Variants in TOM1L2 observed in about 807,000 individuals in gnomAD.
The protein encoded by TOM1L2 is target of myb1 like 2 membrane trafficking protein.
A neutral mutation model predicts 67.9 loss-of-function variants in TOM1L2; 31 were observed. The observed-to-expected ratio is 0.46, with a 90% confidence interval of 0.34 to 0.62. The LOEUF is 0.62. Among genes scored for constraint, TOM1L2 ranks in the 20% least tolerant of loss-of-function variants. The pLI is 0.01. For missense variants in TOM1L2, 606 were observed against 663.5 expected (o/e 0.91, Z 0.95); for synonymous variants, 256 against 254.0 (o/e 1.01, Z -0.07).
intron 13 of TOM1L2, among the ~76,000 whole-genome samples, chr17:17,849,830 A>G (rs2035859651): frequency 6.6e-6 from 1 of 152,192 alleles, no homozygotes. Context: ...CTGTGAGAGA[A>G]GCAATTTCTT....
At position 17,858,344 on chromosome 17, in the gene TOM1L2, C is replaced by T. The variant is rs56698800; in HGVS notation, c.1278+3132G>A. On this transcript the variant is annotated intron_variant, in intron 12 of 14. Coordinates refer to ENST00000379504, the MANE Select transcript of TOM1L2 (RefSeq NM_001082968.2). ...TTTGAGATGAGGTCTCACTGTGTTGCCCGGACTGGTCTCAAAAACTCCTGG... is the reference window on the plus strand; with the variant it reads ...TTTGAGATGAGGTCTCACTGTGTTGTCCGGACTGGTCTCAAAAACTCCTGG... The T allele has an allele frequency of 8.7e-3, 1,331 of 153,436 alleles. 21 individuals are homozygous for T. The highest frequency in any genetic ancestry group is 0.031 in the African/African-American group (1,283 of 41,412). The allele number at this position is 153,436 out of a possible 1,614,324, so 9.5% of individuals were successfully genotyped here. A position where few individuals can be genotyped will look rare whatever the true frequency, so the allele number is the denominator to read the frequency against.
At chr17:17,971,948 C>T (rs1428670139) in intron 1 of TOM1L2, among the ~76,000 whole-genome samples, 1 of 151,810 alleles carries the variant, frequency 6.6e-6, no homozygotes, top group Non-Finnish European at 1.5e-5. Flanking sequence ...GGCGAAGGCC[C>T]AGCCCCCCCG....
intron 1 of TOM1L2, among the ~76,000 whole-genome samples, chr17:17,916,274 T>C (rs1418849738): frequency 2.0e-5 from 3 of 151,956 alleles, no homozygotes; most frequent in Non-Finnish European, 4.4e-5. Flanking sequence ...GGGGTTTCAC[T>C]GTGTTAGCCA....
intron 1 of TOM1L2, among the ~76,000 whole-genome samples, chr17:17,958,917 C>T (rs2041578313): frequency 6.6e-6 from 1 of 152,200 alleles, no homozygotes; most frequent in Admixed American, 6.5e-5. Flanking sequence ...TTTAATCACT[C>T]ATGCCCACAT....
intron 1 of TOM1L2, among the ~76,000 whole-genome samples, chr17:17,949,058 A>G (rs1010875796): frequency 1.3e-5 from 2 of 152,226 alleles, no homozygotes; most frequent in African/African-American, 4.8e-5. Context: ...AGCTGGAGCC[A>G]TGAGGTGAAA....
intron 1 of TOM1L2, among the ~76,000 whole-genome samples, chr17:17,944,164 C>A (rs969927893): frequency 6.6e-6 from 1 of 152,220 alleles, no homozygotes; most frequent in Non-Finnish European, 1.5e-5. Context: ...AATAATGCAG[C>A]CCCCGGATAG....
intron 1 of TOM1L2, among the ~76,000 whole-genome samples, chr17:17,944,764 C>T (rs542989629): frequency 2.6e-5 from 4 of 152,318 alleles, no homozygotes; most frequent in African/African-American, 7.2e-5. Context: ...AGCCTTCCGG[C>T]GGGGAAACAG....
chr17:17,876,574 GCTTT>G (rs1016798296), intron 7 of TOM1L2, among the ~76,000 whole-genome samples: 1 of 152,190 alleles, frequency 6.6e-6, no homozygotes, highest in Non-Finnish European at 1.5e-5. Context: ...GTGTGAAAGG[GCTTT>G]CTAACAATAG....
chr17:17,892,609 G>A (rs779225751), intron 4 of TOM1L2, among the ~76,000 whole-genome samples: 6 of 151,980 alleles, frequency 3.9e-5, no homozygotes, highest in Non-Finnish European at 7.4e-5. Context: ...TCTCCTGCCT[G>A]CTCCCCCACC....
At chr17:17,907,302 A>G in intron 2 of TOM1L2, 145 bp downstream of exon 2, 1 of 673,666 alleles carries the variant, frequency 1.5e-6, no homozygotes, top group East Asian at 2.8e-5. Flanking sequence ...AGGACAGATA[A>G]TTCAGAGTGT....
chr17:17,958,428 G>T (rs2041554192), intron 1 of TOM1L2, among the ~76,000 whole-genome samples: 2 of 152,214 alleles, frequency 1.3e-5, no homozygotes, highest in South Asian at 4.1e-4. Flanking sequence ...GAGCTAAATA[G>T]TACCCCCAAC....
In TOM1L2 at chr17:17,954,184, G is replaced by A. The variant is rs982570562; in HGVS notation, c.52+18078C>T. Among the ~76,000 whole-genome samples, 7 of 152,360 alleles carry A rather than the reference G, an allele frequency of 4.6e-5. No homozygotes were observed. The East Asian group carries it at 1.4e-3, about 29-fold the overall frequency. On this transcript the variant is annotated intron_variant, in intron 1 of 14. Coordinates refer to ENST00000379504, the MANE Select transcript of TOM1L2 (RefSeq NM_001082968.2). ...AGAAGGGATGCTTTGCAGGGCCAAAGGCCATGCTGAGCACAGAAAAGGAGG... is the reference window on the plus strand; with the variant it reads ...AGAAGGGATGCTTTGCAGGGCCAAAAGCCATGCTGAGCACAGAAAAGGAGG...
intron 7 of TOM1L2, among the ~76,000 whole-genome samples, chr17:17,876,915 C>G (rs973725661): frequency 3.3e-5 from 5 of 152,226 alleles, no homozygotes; most frequent in African/African-American, 4.8e-5. Context: ...GAAATCTGAA[C>G]ACAGGTGTAG....
At chr17:17,963,837 G>A (rs1030516787) in intron 1 of TOM1L2, among the ~76,000 whole-genome samples, 2 of 152,182 alleles carry the variant, frequency 1.3e-5, no homozygotes, top group African/African-American at 2.4e-5. Context: ...TAACAGTGGA[G>A]GGAAGGAATC....
At chr17:17,848,499 C>T (rs1331205935) in intron 14 of TOM1L2, among the ~76,000 whole-genome samples, 2 of 152,228 alleles carry the variant, frequency 1.3e-5, no homozygotes, top group African/African-American at 4.8e-5. Flanking sequence ...CTGCTGCGCA[C>T]CTCCACAAAC....
At chr17:17,869,245 T>A in intron 8 of TOM1L2, 95 bp downstream of exon 8, 21 of 1,567,956 alleles carry the variant, frequency 1.3e-5, no homozygotes, top group Admixed American at 7.5e-5. Flanking sequence ...TCTCTCTCCC[T>A]CTCCCTCTCT....
chr17:17,961,497 T>G (rs2041676227), intron 1 of TOM1L2, among the ~76,000 whole-genome samples: 1 of 151,660 alleles, frequency 6.6e-6, no homozygotes, highest in Admixed American at 6.6e-5. Context: ...ATTGCTCGAG[T>G]TCAGAAGTTC....
At chr17:17,874,596 A>C (rs1344898933) in intron 7 of TOM1L2, among the ~76,000 whole-genome samples, 1 of 152,190 alleles carries the variant, frequency 6.6e-6, no homozygotes, top group Non-Finnish European at 1.5e-5. Context: ...AAACGTTTGG[A>C]AAGTGTTAGA....
At chr17:17,865,736 A>G (rs1598211150) in intron 10 of TOM1L2, among the ~76,000 whole-genome samples, 1 of 131,944 alleles carries the variant, frequency 7.6e-6, no homozygotes, top group Admixed American at 8.2e-5. Context: ...ATGGCAGGTG[A>G]CCTTTCTTTT....
Sources: allele counts gnomAD v4.1 joint callset (sites outside exome capture counted in the v4.1 genomes callset), GRCh38; gene constraint gnomAD v4.1.1; transcripts MANE v1.5; gene names NCBI Gene and HGNC (gene_info 2026-07-23, HGNC 2026-07-21).